The following GRM4 variants were observed in gnomAD, a reference collection of about 807,000 sequenced individuals.
GRM4 encodes the protein glutamate metabotropic receptor 4, also known as metabotropic glutamate receptor 4.
A neutral mutation model predicts 81.7 loss-of-function variants in GRM4; 28 were observed. The ratio of observed to expected loss-of-function variants is 0.34; its 90% CI spans 0.25 to 0.47. The LOEUF is 0.47. GRM4 is among the 20% of genes least tolerant of loss of function. The pLI, the probability that GRM4 is intolerant of heterozygous loss-of-function variation, is 1.00. For synonymous variants in GRM4, 488 were observed against 528.8 expected, an observed-to-expected ratio of 0.92 and a Z score of 1.06; for missense variants, 948 against 1,290.0, an observed-to-expected ratio of 0.73 and a Z score of 4.06.
intron 1 of GRM4, among the ~76,000 whole-genome samples, chr6:34,151,687 T>G (rs972269146): frequency 6.6e-6 from 1 of 151,230 alleles, no homozygotes; most frequent in African/African-American, 2.4e-5. Flanking sequence ...GCCCCCAACC[T>G]GGAGCGCTGC....
intron 10 of GRM4, among the ~76,000 whole-genome samples, chr6:34,026,771 G>A (rs561301824): frequency 3.3e-5 from 5 of 152,290 alleles, no homozygotes; most frequent in African/African-American, 1.2e-4. Context: ...CACCCGCGGT[G>A]TCACCCTTTG....
rs766578330 is a variant in GRM4 at position 34,091,863 on chromosome 6, C to G, written c.736+20G>C. ...CACCCCCGAGCCTGGCATGACTCTG[C>G]GGCCAGGCGTTTGACTCACCGTCCT... On this transcript the variant is annotated intron_variant, in intron 3 of 10. Transcript: ENST00000538487. The G allele has an allele frequency of 6.4e-7, 1 of 1,558,454 alleles. No individual in the cohort carries two copies. The highest frequency in any genetic ancestry group is 8.8e-7 in the Non-Finnish European group (1 of 1,133,702).
At chr6:34,057,869 G>A (rs1159706218) in intron 5 of GRM4, among the ~76,000 whole-genome samples, 3 of 152,168 alleles carry the variant, frequency 2.0e-5, no homozygotes, top group African/African-American at 7.2e-5. Context: ...TGTCTGTAAG[G>A]GGCCTGGCAC....
intron 2 of GRM4, chr6:34,110,939 C>T: frequency 1.0e-6 from 1 of 976,262 alleles, no homozygotes; most frequent in Non-Finnish European, 1.3e-6. Flanking sequence ...AACAGCCTCT[C>T]TCCAGGGGAA....
chr6:34,079,537 A>G (rs916540952), intron 3 of GRM4, among the ~76,000 whole-genome samples: 3 of 140,866 alleles, frequency 2.1e-5, no homozygotes, highest in African/African-American at 9.4e-5. Context: ...GCTAAAAAAG[A>G]AACTGGTAAC....
Position 34,074,479 on chromosome 6 carries a change from G to A in GRM4, c.737-12451C>T, listed in dbSNP as rs1258490749. ...AGCTGAGCCCTTCCGCCCCCTACCA[G>A]GAGGCTGCTGGGCAGCGCAGGCAGT... On this transcript the variant is annotated intron_variant, in intron 3 of 10. Coordinates refer to ENST00000538487, the MANE Select transcript of GRM4 (RefSeq NM_000841.4). This position sits in a 1 kb window ranked among gnomAD's most constrained non-coding sequence, Gnocchi z 4.9. Among the ~76,000 whole-genome samples, 1 of 140,548 alleles carries A rather than the reference G, an allele frequency of 7.1e-6. No homozygotes were observed. Among genetic ancestry groups the A allele is most frequent in the Non-Finnish European group, 1.5e-5 (1 of 66,050 alleles). The allele number at this position is 140,548 out of a possible 152,430, so 92.2% of individuals were successfully genotyped here.
Position 34,059,185 on chromosome 6 carries a change from CT to C in GRM4, c.873-58del, listed in dbSNP as rs773510632. 86 of 1,535,834 alleles carry C rather than the reference CT, an allele frequency of 5.6e-5. No homozygotes were observed. Among genetic ancestry groups the C allele is most frequent in the Admixed American group, 1.3e-4 (8 of 59,446 alleles). On this transcript the variant is annotated intron_variant, in intron 4 of 10. Coordinates refer to ENST00000538487, the MANE Select transcript of GRM4 (RefSeq NM_000841.4). The surrounding 1 kb of genome is among the most constrained non-coding windows in gnomAD (Gnocchi z 5.7). The stretch of plus-strand genomic sequence containing the variant: ...GCGTCTGTCCACGAAACTGCCCCCA[CT>C]CCTGGCCACACTTGCTTTGGGCCCA...
intron 6 of GRM4, chr6:34,055,153 C>T (rs1399444505): frequency 6.6e-6 from 1 of 152,188 alleles, no homozygotes; most frequent in Non-Finnish European, 1.5e-5. Flanking sequence ...AGTGTCTGAA[C>T]ACAGTGGATA....
At chr6:34,143,648 G>A (rs1211225896) in intron 1 of GRM4, among the ~76,000 whole-genome samples, 1 of 152,254 alleles carries the variant, frequency 6.6e-6, no homozygotes, top group Non-Finnish European at 1.5e-5. Context: ...CTGAGGTTCA[G>A]CATCCCATTG....
At chr6:34,039,396 G>A (rs933618018) in intron 8 of GRM4, among the ~76,000 whole-genome samples, 2 of 152,120 alleles carry the variant, frequency 1.3e-5, no homozygotes, top group African/African-American at 4.8e-5. Flanking sequence ...GGCCAGATGA[G>A]GACCTGTCTC....
In GRM4 at chr6:34,089,386, CTT is replaced by C. The variant is rs1554127777; in HGVS notation, c.736+2495_736+2496del. On this transcript the variant is annotated intron_variant, in intron 3 of 10. Coordinates refer to ENST00000538487, the MANE Select transcript of GRM4 (RefSeq NM_000841.4). The surrounding 1 kb of genome is among the most constrained non-coding windows in gnomAD (Gnocchi z 4.3). ...CTGAAGTGCAGCTCTCTCTCTCTCT[CTT>C]CCTTTCTTTTCACCCACTAAAAGAT... Among the ~76,000 whole-genome samples the C allele has an allele frequency of 1.3e-5, 2 of 151,842 alleles. No homozygotes were observed. The highest frequency in any genetic ancestry group is 4.8e-5 in the African/African-American group (2 of 41,302).
rs1769797363 is a variant in GRM4, at chr6:34,121,170, T to G, written c.519+11808A>C. On this transcript the variant is annotated intron_variant, in intron 2 of 10. Transcript: ENST00000538487. The surrounding 1 kb of genome is among the most constrained non-coding windows in gnomAD (Gnocchi z 4.6). ...CTGCTGAAGTCTCCTCTCAGAACAGTCCTGACCCCGGAAACCACTCACCCT... is the reference window on the plus strand; with the variant it reads ...CTGCTGAAGTCTCCTCTCAGAACAGGCCTGACCCCGGAAACCACTCACCCT... Among the ~76,000 whole-genome samples the G allele has an allele frequency of 6.6e-6, 1 of 152,042 alleles. No homozygotes were observed. Among genetic ancestry groups the G allele is most frequent in the Non-Finnish European group, 1.5e-5 (1 of 68,006 alleles).
At chr6:34,132,943 G>A in intron 2 of GRM4, 35 bp downstream of exon 2, 2 of 1,537,144 alleles carry the variant, frequency 1.3e-6, no homozygotes, top group East Asian at 2.3e-5. Flanking sequence ...TCCGTTGGGG[G>A]AAGAGCACCT....
rs3778062 is a variant in GRM4, at chr6:34,036,834, C to A, written c.1507-231G>T. On this transcript the variant is annotated intron_variant, in intron 8 of 10. Transcript: ENST00000538487. This position sits in a 1 kb window ranked among gnomAD's most constrained non-coding sequence, Gnocchi z 9.0. ...ACCTACAGGGAATCCTGACTGAACC[C>A]GAAACTCTCAAGACTCATATGAAGA... Among the ~76,000 whole-genome samples, 1 of 152,134 alleles carries A rather than the reference C, an allele frequency of 6.6e-6. No homozygotes were observed. The highest frequency in any genetic ancestry group is 2.4e-5 in the African/African-American group (1 of 41,402).
chr6:34,105,770 G>GT (rs1439005598), intron 2 of GRM4, among the ~76,000 whole-genome samples: 1 of 152,154 alleles, frequency 6.6e-6, no homozygotes, highest in Admixed American at 6.5e-5. Context: ...TTCAAAGTCC[G>GT]TCCCCGCCAG....
Position 34,090,640 on chromosome 6 carries a change from G to A in GRM4, c.736+1243C>T, listed in dbSNP as rs983322366. ...ATCAGTCAGTGCTGCCCCACTTCCC[G>A]CCGCCCCGCTGCCCCCTCCACCAGG... On this transcript the variant is annotated intron_variant, in intron 3 of 10. Coordinates refer to ENST00000538487, the MANE Select transcript of GRM4 (RefSeq NM_000841.4). The surrounding 1 kb of genome is among the most constrained non-coding windows in gnomAD (Gnocchi z 5.2). Among the ~76,000 whole-genome samples the A allele has an allele frequency of 2.5e-4, 38 of 151,830 alleles. No homozygotes were observed. The highest frequency in any genetic ancestry group is 6.5e-4 in the African/African-American group (27 of 41,298).
chr6:34,046,776 C>T (rs1478051658), intron 6 of GRM4, among the ~76,000 whole-genome samples: 2 of 152,166 alleles, frequency 1.3e-5, no homozygotes, highest in East Asian at 3.9e-4. Flanking sequence ...ACACCACACA[C>T]CTACACAGAT....
upstream of GRM4, among the ~76,000 whole-genome samples, chr6:34,147,450 A>C (rs1770960781): frequency 6.6e-6 from 1 of 152,224 alleles, no homozygotes; most frequent in Admixed American, 6.5e-5. Context: ...CTGGAGAGGC[A>C]GTGTTCTTGG....
intron 1 of GRM4, among the ~76,000 whole-genome samples, chr6:34,135,292 G>A (rs924341246): frequency 6.6e-6 from 1 of 152,188 alleles, no homozygotes; most frequent in Non-Finnish European, 1.5e-5. Context: ...CTCAGCTCCT[G>A]AGCTTCTCCA....
Sources: allele counts gnomAD v4.1 joint callset (sites outside exome capture counted in the v4.1 genomes callset), GRCh38; gene constraint gnomAD v4.1.1; non-coding constraint Gnocchi (gnomAD v3.1); transcripts MANE v1.5; gene names NCBI Gene and HGNC (gene_info 2026-07-23, HGNC 2026-07-21).